Variants in TMTC2 observed in about 807,000 individuals in gnomAD.
The protein encoded by TMTC2 is protein O-mannosyl-transferase TMTC2.
TMTC2 carries 43 observed loss-of-function variants against 82.4 expected under a neutral mutation model. The observed-to-expected ratio is 0.52, with a 90% confidence interval of 0.41 to 0.67. The LOEUF is 0.67. Among genes scored for constraint, TMTC2 ranks in the 30% least tolerant of loss-of-function variants. The probability of loss-of-function intolerance (pLI) is 0.00; values close to 1 mark genes in which losing one functional copy is unlikely to be tolerated. For synonymous variants in TMTC2, 408 were observed against 381.9 expected (o/e 1.07, Z -0.80); for missense variants, 919 against 1,012.4 (o/e 0.91, Z 1.25).
At chr12:82,965,853 T>A (rs530645722) in intron 6 of TMTC2, 109 bp downstream of exon 6, 2 of 1,121,510 alleles carry the variant, frequency 1.8e-6, no homozygotes, top group African/African-American at 3.1e-5. Context: ...ACAACTAATA[T>A]GTATACACGT....
At chr12:83,085,851 G>A (rs570525113) in intron 11 of TMTC2, among the ~76,000 whole-genome samples, 2 of 152,268 alleles carry the variant, frequency 1.3e-5, no homozygotes, top group African/African-American at 4.8e-5. Context: ...CCACAGTAAA[G>A]GCAATAGTGG....
chr12:82,839,975 C>T (rs180735583), intron 1 of TMTC2, among the ~76,000 whole-genome samples: 1 of 152,024 alleles, frequency 6.6e-6, no homozygotes, highest in Admixed American at 6.5e-5. Flanking sequence ...ATGGGTGCAG[C>T]GTGGGAGAGA....
At chr12:83,107,146 G>A (rs1884433952) in intron 11 of TMTC2, among the ~76,000 whole-genome samples, 1 of 152,148 alleles carries the variant, frequency 6.6e-6, no homozygotes, top group Admixed American at 6.5e-5. Context: ...TGGGACTTTG[G>A]ACTCATACTG....
intron 1 of TMTC2, among the ~76,000 whole-genome samples, chr12:82,805,489 T>A (rs1219626961): frequency 7.2e-6 from 1 of 139,834 alleles, no homozygotes; most frequent in Non-Finnish European, 1.5e-5. Flanking sequence ...TTTACTCTCC[T>A]CTCCCCACTT....
chr12:82,987,778 T>C (rs1879223165), intron 8 of TMTC2, among the ~76,000 whole-genome samples: 1 of 152,032 alleles, frequency 6.6e-6, no homozygotes, highest in Admixed American at 6.6e-5. Context: ...GGCAGGGAAA[T>C]TCTTACCTGC....
At chr12:83,100,401 G>GTTT (rs1884179403) in intron 11 of TMTC2, among the ~76,000 whole-genome samples, 1 of 150,808 alleles carries the variant, frequency 6.6e-6, no homozygotes, top group Non-Finnish European at 1.5e-5. Flanking sequence ...TTTGTTTTTT[G>GTTT]ATTGTTTGTC....
intron 8 of TMTC2, among the ~76,000 whole-genome samples, chr12:82,993,047 C>T (rs916981680): frequency 5.3e-5 from 8 of 152,032 alleles, no homozygotes; most frequent in Non-Finnish European, 1.0e-4. Flanking sequence ...TGCAGTGGCA[C>T]GATTTCGGCT....
intron 11 of TMTC2, among the ~76,000 whole-genome samples, chr12:83,107,761 C>T (rs1884459799): frequency 1.7e-5 from 1 of 58,048 alleles, no homozygotes; most frequent in East Asian, 3.1e-4. Context: ...TTTTCTGCCC[C>T]ATCCTTATGA....
chr12:83,056,538 C>T (rs1882549739), intron 10 of TMTC2, among the ~76,000 whole-genome samples: 1 of 151,802 alleles, frequency 6.6e-6, no homozygotes, highest in South Asian at 2.1e-4. Context: ...CTGGAAGTCA[C>T]ATAAAATTTA....
intron 11 of TMTC2, among the ~76,000 whole-genome samples, chr12:83,107,467 T>C (rs147665676): frequency 2.0e-5 from 3 of 152,294 alleles, no homozygotes; most frequent in African/African-American, 7.2e-5. Context: ...CAAGTCACTT[T>C]TCTTCTCTTT....
chr12:82,990,056 T>C (rs1036474712), intron 8 of TMTC2, among the ~76,000 whole-genome samples: 2 of 152,168 alleles, frequency 1.3e-5, no homozygotes, highest in Non-Finnish European at 2.9e-5. Context: ...TGGCTTAACA[T>C]AGAATTTGCA....
chr12:82,852,398 C>T (rs1023670298), intron 1 of TMTC2, among the ~76,000 whole-genome samples: 14 of 152,104 alleles, frequency 9.2e-5, no homozygotes, highest in Admixed American at 1.3e-4. Flanking sequence ...TGAGCCACCG[C>T]GCCCGGCCAG....
At chr12:83,034,416 G>A (rs1304524004) in intron 9 of TMTC2, among the ~76,000 whole-genome samples, 1 of 152,158 alleles carries the variant, frequency 6.6e-6, no homozygotes, top group African/African-American at 2.4e-5. Context: ...TAGGAAAATG[G>A]GAGGAAGGGA....
At chr12:82,768,841 ACTGC>A (rs1177010689) in intron 1 of TMTC2, among the ~76,000 whole-genome samples, 1 of 152,048 alleles carries the variant, frequency 6.6e-6, no homozygotes, top group African/African-American at 2.4e-5. Context: ...GGGATCACAC[ACTGC>A]TTAATTATGA....
intron 10 of TMTC2, 130 bp downstream of exon 10, chr12:83,051,148 A>G: frequency 3.2e-6 from 2 of 621,992 alleles, no homozygotes; most frequent in East Asian, 6.0e-5. Context: ...CTATGTAAAA[A>G]ATTAGAAATA....
chr12:82,687,608 A>G lies in TMTC2; in HGVS notation c.22A>G (p.Ser8Gly). ...AGAGATGATTGCAGAGTTGGTGAGC[A>G]GCGCTCTGGGGCTCGCCTTGTATCT... MIAELVS[S>G]ALGLALYLNT... The change falls in exon 1 of 12, where the codon AGC becomes GGC. Residue 8 changes from serine (S) to glycine (G), a missense_variant. Physicochemically the swap from Ser to Gly is moderately conservative, Grantham distance 56. Coordinates refer to ENST00000321196, the MANE Select transcript of TMTC2 (RefSeq NM_152588.3). The G allele has an allele frequency of 6.2e-7, 1 of 1,601,936 alleles. No individual in the cohort carries two copies. The highest frequency in any genetic ancestry group is 8.5e-7 in the Non-Finnish European group (1 of 1,175,674).
At chr12:83,116,142 T>G (rs2137553191) in intron 11 of TMTC2, among the ~76,000 whole-genome samples, 1 of 152,330 alleles carries the variant, frequency 6.6e-6, no homozygotes, top group Admixed American at 6.5e-5. Flanking sequence ...TCCTCATAGC[T>G]TAGCTCCCAC....
At chr12:82,695,977 A>T (rs1221165745) in intron 1 of TMTC2, among the ~76,000 whole-genome samples, 1 of 152,206 alleles carries the variant, frequency 6.6e-6, no homozygotes, top group Non-Finnish European at 1.5e-5. Context: ...CAGTTGTAAA[A>T]TGTCTCAAGG....
At chr12:82,918,060 A>G (rs1875121891) in intron 3 of TMTC2, among the ~76,000 whole-genome samples, 1 of 152,098 alleles carries the variant, frequency 6.6e-6, no homozygotes, top group Non-Finnish European at 1.5e-5. Context: ...CCCAGCCTAC[A>G]GCATGCATCA....
Sources: gnomAD v4.1 joint callset for allele counts (sites outside exome capture counted in the v4.1 genomes callset) on GRCh38, gnomAD v4.1.1 for gene constraint, MANE v1.5 for transcripts, NCBI Gene and HGNC (gene_info 2026-07-23, HGNC 2026-07-21) for gene names.